The following ZNF26 variants were observed in gnomAD, a reference collection of about 807,000 sequenced individuals.
ZNF26 encodes epididymis luminal protein 179.
ZNF26 carries 32 observed loss-of-function variants against 54.9 expected under a neutral mutation model. The observed-to-expected ratio is 0.58, with a 90% CI of 0.44 to 0.78. The LOEUF (loss-of-function observed/expected upper bound fraction) is 0.78. Among genes scored for constraint, ZNF26 ranks in the 30% least tolerant of loss-of-function variants. ZNF26 has a pLI of 0.00. For missense variants in ZNF26, 524 were observed against 634.0 expected (o/e 0.83, Z 1.86); for synonymous variants, 221 against 209.2 (o/e 1.06, Z -0.49).
In ZNF26 at chr12:133,018,568, G is replaced by A. The variant is rs1382874977; in HGVS notation, c.*7087G>A. ...AATATGCACTTAAGACAAAAGTGAA[G>A]GAGAAATAGATGAACAAAAGATACA... On this transcript the variant is annotated 3_prime_UTR_variant, in exon 4 of 4. Transcript: ENST00000328654. 2 of 152,110 alleles carry A rather than the reference G, an allele frequency of 1.3e-5. No homozygotes were observed. The highest frequency in any genetic ancestry group is 4.8e-5 in the African/African-American group (2 of 41,416). 9.4% of individuals were successfully genotyped at this position (152,110 alleles called of 1,614,324 possible). A position where few individuals can be genotyped will look rare whatever the true frequency, so the allele number is the denominator to read the frequency against.
chr12:133,010,017 T>A, intron 3 of ZNF26, 119 bp from the exon 4 acceptor site: 1 of 1,045,106 alleles, frequency 9.6e-7, no homozygotes, highest in Non-Finnish European at 1.3e-6. Flanking sequence ...TTTGAACCAG[T>A]GTGGTAGGCT....
chr12:132,987,246 T>C (rs1264338660), intron 1 of ZNF26, among the ~76,000 whole-genome samples: 3 of 152,196 alleles, frequency 2.0e-5, no homozygotes, highest in African/African-American at 7.2e-5. Flanking sequence ...GTTTATGGAG[T>C]GTCCTTTTGT....
At position 133,001,971 on chromosome 12, in the gene ZNF26, C is replaced by A. The variant is rs1022525602; in HGVS notation, c.34-5071C>A. 1.3e-5 allele frequency among the ~76,000 whole-genome samples: 2 copies of A among 152,136 alleles called. No individual in the cohort carries two copies. The highest frequency in any genetic ancestry group is 2.4e-5 in the African/African-American group (1 of 41,438). ...TGTGTGTGGGGCACTTGCACAGTCC[C>A]CTTTTCTTAGAGCCCCTCCTGTTTG... On this transcript the variant is annotated intron_variant, in intron 1 of 3. Transcript: ENST00000328654. This position sits in a 1 kb window ranked among gnomAD's most constrained non-coding sequence, Gnocchi z 4.7.
In ZNF26 at chr12:133,013,077, G is replaced by A. The variant is rs1256066014; in HGVS notation, c.*1596G>A. 3.9e-5 allele frequency: 6 copies of A among 152,310 alleles called. No individual in the cohort carries two copies. Among genetic ancestry groups the A allele is most frequent in the Non-Finnish European group, 7.3e-5 (5 of 68,030 alleles). 9.4% of individuals were successfully genotyped at this position (152,310 alleles called of 1,614,324 possible). ...GTTATTGTTTCTGTACACCTGGAAC[G>A]TTGTAGTGCCTGATACTGAAATTTT... On this transcript the variant is annotated 3_prime_UTR_variant, in exon 4 of 4. Transcript: ENST00000328654.
In ZNF26 at chr12:133,025,703, A is replaced by T. The variant is rs748603366; in HGVS notation, c.*14222A>T. On this transcript the variant is annotated 3_prime_UTR_variant, in exon 4 of 4. Coordinates refer to ENST00000328654, the MANE Select transcript of ZNF26 (RefSeq NM_019591.4). ...ATACCTGTAATCCCAGAGCTTCAGG[A>T]GGCCAAGGCAGGAAAATTGCTTGAG... 2 of 152,264 alleles carry T rather than the reference A, an allele frequency of 1.3e-5. No individual in the cohort carries two copies. Among genetic ancestry groups the T allele is most frequent in the Non-Finnish European group, 2.9e-5 (2 of 68,086 alleles). 9.4% of individuals were successfully genotyped at this position (152,264 alleles called of 1,614,324 possible).
At position 133,020,641 on chromosome 12, in the gene ZNF26, A is replaced by C. The variant is rs1420140563; in HGVS notation, c.*9160A>C. Reference sequence around the variant, plus strand: ...ATATCCCACTTTCAATATTAGAACAATCGTATAAGTTGTCTAGGACTGTCG... The same window carrying C: ...ATATCCCACTTTCAATATTAGAACACTCGTATAAGTTGTCTAGGACTGTCG... On this transcript the variant is annotated 3_prime_UTR_variant, in exon 4 of 4. Coordinates refer to ENST00000328654, the MANE Select transcript of ZNF26 (RefSeq NM_019591.4). 1 of 152,184 alleles carries C rather than the reference A, an allele frequency of 6.6e-6. No homozygotes were observed. The highest frequency in any genetic ancestry group is 1.5e-5 in the Non-Finnish European group (1 of 68,018). 9.4% of individuals were successfully genotyped at this position (152,184 alleles called of 1,614,324 possible).
rs1953555256 is a variant in ZNF26, at chr12:133,015,500, A to G, written c.*4019A>G. ...AAAGAATAAGAAAGAGAACTAAAAA[A>G]TGAAAAAAAATAAGATGCTTTCCTA... is the stretch of plus-strand genomic sequence containing the variant. On this transcript the variant is annotated 3_prime_UTR_variant, in exon 4 of 4. Coordinates refer to ENST00000328654, the MANE Select transcript of ZNF26 (RefSeq NM_019591.4). The G allele has an allele frequency of 6.7e-6, 1 of 150,252 alleles. No homozygotes were observed. The highest frequency in any genetic ancestry group is 1.5e-5 in the Non-Finnish European group (1 of 67,642). The allele number at this position is 150,252 out of a possible 1,614,324, so 9.3% of individuals were successfully genotyped here.
rs1953554891 is a variant in ZNF26 at position 133,015,458 on chromosome 12, A to G, written c.*3977A>G. 6.6e-6 allele frequency: 1 copy of G among 151,862 alleles called. No homozygotes were observed. 9.4% of individuals were successfully genotyped at this position (151,862 alleles called of 1,614,324 possible). A position where few individuals can be genotyped will look rare whatever the true frequency, so the allele number is the denominator to read the frequency against. On this transcript the variant is annotated 3_prime_UTR_variant, in exon 4 of 4. Coordinates refer to ENST00000328654, the MANE Select transcript of ZNF26 (RefSeq NM_019591.4). ...TATGTCTTCACTTGCATCGGCCTCAATTATCAACTTGTGGCAAAAGAATAA... is the reference window on the plus strand; with the variant it reads ...TATGTCTTCACTTGCATCGGCCTCAGTTATCAACTTGTGGCAAAAGAATAA...
At chr12:133,009,984 C>A in intron 3 of ZNF26, 152 bp from the exon 4 acceptor site, 1 of 741,626 alleles carries the variant, frequency 1.3e-6, no homozygotes, top group Non-Finnish European at 2.0e-6. Flanking sequence ...GTTCCCTTGC[C>A]CCCATGCTTG....
chr12:132,998,266 A>C (rs1953135050), intron 1 of ZNF26, among the ~76,000 whole-genome samples: 1 of 151,598 alleles, frequency 6.6e-6, no homozygotes, highest in Non-Finnish European at 1.5e-5. Flanking sequence ...TCCCGGGTTC[A>C]AGCGATTATC....
In ZNF26 at chr12:133,021,894, T is replaced by G. The variant is rs1484093849; in HGVS notation, c.*10413T>G. 1 of 152,224 alleles carries G rather than the reference T, an allele frequency of 6.6e-6. No individual in the cohort carries two copies. Among genetic ancestry groups the G allele is most frequent in the Non-Finnish European group, 1.5e-5 (1 of 68,042 alleles). The allele number at this position is 152,224 out of a possible 1,614,324, so 9.4% of individuals were successfully genotyped here. On this transcript the variant is annotated 3_prime_UTR_variant, in exon 4 of 4. Transcript: ENST00000328654. ...AAATTCTATATTACTTTTTAAACTT[T>G]CATGTTTTGTGGAGTCATTTCTAAA...
In ZNF26 at chr12:133,010,679, A is replaced by G; in HGVS notation, c.800A>G (p.Tyr267Cys). ...GGCTGCAGTGAATGTGGGAAAGCCT[A>G]CAGTTGGAAATCACAGCTTCTTTTA... ...PYGCSECGKAYSWKSQLLLHQ... is the reference protein window; with the variant it reads ...PYGCSECGKACSWKSQLLLHQ... Residue 267 changes from tyrosine (Y) to cysteine (C), a missense_variant, in exon 4 of 4, where the codon TAC (tyrosine) becomes TGC (cysteine). Physicochemically the swap from Tyr to Cys is radical, Grantham distance 194. Coordinates refer to ENST00000328654, the MANE Select transcript of ZNF26 (RefSeq NM_019591.4). 5 of 1,613,496 alleles carry G rather than the reference A, an allele frequency of 3.1e-6. No individual in the cohort carries two copies. Among genetic ancestry groups the G allele is most frequent in the Non-Finnish European group, 2.5e-6 (3 of 1,179,874 alleles).
At chr12:132,990,771 G>T (rs1028456868) in intron 1 of ZNF26, among the ~76,000 whole-genome samples, 1 of 152,142 alleles carries the variant, frequency 6.6e-6, no homozygotes, top group Non-Finnish European at 1.5e-5. Context: ...TTGGCAGATT[G>T]TGTCTTTCAG....
chr12:132,989,494 T>G (rs1269722828), intron 1 of ZNF26, among the ~76,000 whole-genome samples: 2 of 152,252 alleles, frequency 1.3e-5, no homozygotes, highest in Non-Finnish European at 2.9e-5. Context: ...GATCTTGGAC[T>G]ATTTACATAT....
intron 1 of ZNF26, among the ~76,000 whole-genome samples, chr12:132,993,580 C>T (rs1392684938): frequency 2.7e-5 from 4 of 150,940 alleles, no homozygotes; most frequent in African/African-American, 4.9e-5. Context: ...CTCAGCCTCC[C>T]GAGTAGCTGG....
rs1593680506 is a variant in ZNF26 at position 133,021,678 on chromosome 12, A to G, written c.*10197A>G. 6.6e-6 allele frequency: 1 copy of G among 151,236 alleles called. No individual in the cohort carries two copies. Among genetic ancestry groups the G allele is most frequent in the Non-Finnish European group, 1.5e-5 (1 of 67,830 alleles). The allele number at this position is 151,236 out of a possible 1,614,324, so 9.4% of individuals were successfully genotyped here. ...GCTACTTGGGAGGCTGAGGCAGGAGAATTGCTTGAACCCGGGAGGCAGAGG... is the reference window on the plus strand; with the variant it reads ...GCTACTTGGGAGGCTGAGGCAGGAGGATTGCTTGAACCCGGGAGGCAGAGG... On this transcript the variant is annotated 3_prime_UTR_variant, in exon 4 of 4. Transcript: ENST00000328654.
rs1953503169 is a variant in ZNF26 at position 133,012,582 on chromosome 12, T to TG, written c.*1101_*1102insG. On this transcript the variant is annotated 3_prime_UTR_variant, in exon 4 of 4. Transcript: ENST00000328654. Reference sequence around the variant, plus strand: ...CTTTTGCTTTTTGTTGTTTGGGTTTTTTTTTTTTTTTTTTTTTTTTTTTTT... The same window carrying TG: ...CTTTTGCTTTTTGTTGTTTGGGTTTTGTTTTTTTTTTTTTTTTTTTTTTTTT... The TG allele has an allele frequency of 1.9e-5, 2 of 106,980 alleles. No homozygotes were observed. The highest frequency in any genetic ancestry group is 3.9e-5 in the African/African-American group (1 of 25,380). 6.6% of individuals were successfully genotyped at this position (106,980 alleles called of 1,614,324 possible). A position where few individuals can be genotyped will look rare whatever the true frequency, so the allele number is the denominator to read the frequency against.
intron 1 of ZNF26, among the ~76,000 whole-genome samples, chr12:132,999,386 G>C (rs1953161697): frequency 1.3e-5 from 2 of 151,016 alleles, no homozygotes; most frequent in Admixed American, 1.3e-4. Context: ...CTCCTGAGTA[G>C]CTGGGATACA....
chr12:133,008,283 C>T (rs1258429797), intron 3 of ZNF26, among the ~76,000 whole-genome samples: 1 of 152,160 alleles, frequency 6.6e-6, no homozygotes, highest in Non-Finnish European at 1.5e-5. Flanking sequence ...CAGAGTCCTT[C>T]ATTTTCTTTC....
Sources: gnomAD v4.1 joint callset for allele counts (sites outside exome capture counted in the v4.1 genomes callset) on GRCh38, gnomAD v4.1.1 for gene constraint, Gnocchi (gnomAD v3.1) non-coding constraint, MANE v1.5 for transcripts, NCBI Gene and HGNC (gene_info 2026-07-23, HGNC 2026-07-21) for gene names.